The following MYH11 variants were observed in gnomAD, a reference collection of about 807,000 sequenced individuals.
MYH11 encodes the protein myosin heavy chain 11, also known as myosin-11.
In MYH11, 80 loss-of-function variants were observed where a neutral mutation model predicts 246.6. That is an observed-to-expected ratio of 0.32 (90% CI 0.27 to 0.39). MYH11 has a LOEUF of 0.39. Among genes scored for constraint, MYH11 ranks in the 10% least tolerant of loss-of-function variants. The pLI is 1.00. For missense variants in MYH11, 2,158 were observed against 2,546.8 expected, an observed-to-expected ratio of 0.85 and a Z score of 3.29; for synonymous variants, 1,071 against 1,015.5, an observed-to-expected ratio of 1.05 and a Z score of -1.04.
chr16:15,707,001 C>A (rs1259080303), intron 40 of MYH11, among the ~76,000 whole-genome samples: 1 of 152,002 alleles, frequency 6.6e-6, no homozygotes, highest in Admixed American at 6.6e-5. Context: ...AACTAAGGGA[C>A]CCCCCTAAAG....
In MYH11 at chr16:15,788,095, T is replaced by TTTTTTTTTTTTTTTTTTTTTTA. The variant is rs11273419; in HGVS notation, c.531-1364_531-1363insTAAAAAAAAAAAAAAAAAAAAA. ...GGTAGATCTTTTTTTTTTTTTTTTTTACCAAGATGGCTTTCGTGCACTAGC... is the reference window on the plus strand; with the variant it reads ...GGTAGATCTTTTTTTTTTTTTTTTTTTTTTTTTTTTTTTTTTTTTTTAACCAAGATGGCTTTCGTGCACTAGC... On this transcript the variant is annotated intron_variant, in intron 4 of 40. Transcript: ENST00000300036. Among the ~76,000 whole-genome samples, 800 of 99,384 alleles carry TTTTTTTTTTTTTTTTTTTTTTA rather than the reference T, an allele frequency of 8.0e-3. 153 individuals are homozygous for TTTTTTTTTTTTTTTTTTTTTTA. The highest frequency in any genetic ancestry group is 0.013 in the South Asian group (30 of 2,348). 65.2% of individuals were successfully genotyped at this position (99,384 alleles called of 152,430 possible).
intron 40 of MYH11, among the ~76,000 whole-genome samples, chr16:15,704,428 G>A (rs2039342239): frequency 6.6e-6 from 1 of 152,150 alleles, no homozygotes; most frequent in Non-Finnish European, 1.5e-5. Flanking sequence ...CATTTGAGAA[G>A]CCACAGGATT....
intron 3 of MYH11, among the ~76,000 whole-genome samples, chr16:15,804,815 C>A (rs2042972016): frequency 6.6e-6 from 1 of 152,172 alleles, no homozygotes; most frequent in African/African-American, 2.4e-5. Flanking sequence ...GAAGTTCATC[C>A]ATGTTGTAGC....
Position 15,838,137 on chromosome 16 carries a change from G to A in MYH11, c.116C>T (p.Pro39Leu). 1 of 1,614,118 alleles carries A rather than the reference G, an allele frequency of 6.2e-7. No individual in the cohort carries two copies. Among genetic ancestry groups the A allele is most frequent in the South Asian group, 1.1e-5 (1 of 91,076 alleles). The change falls in exon 2 of 41, where the codon CCC becomes CTC. Residue 39 changes from proline to leucine, a missense_variant. Physicochemically the swap from Pro to Leu is moderately conservative, Grantham distance 98 (BLOSUM62 -3). Coordinates refer to ENST00000300036, the MANE Select transcript of MYH11 (RefSeq NM_002474.3). ...DWAAKRLVWVPSEKQGFEAAS... is the reference protein window; with the variant it reads ...DWAAKRLVWVLSEKQGFEAAS... ...TGCCTCGAAGCCCTGCTTCTCCGAG[G>A]GGACCCAGACGAGTCTCTTGGCGGC... is the stretch of plus-strand genomic sequence containing the variant.
chr16:15,822,988 A>T (rs1226244896), intron 3 of MYH11, among the ~76,000 whole-genome samples: 1 of 152,280 alleles, frequency 6.6e-6, no homozygotes, highest in African/African-American at 2.4e-5. Flanking sequence ...CTTTGCAGAC[A>T]GCTGGCCCGA....
intron 3 of MYH11, among the ~76,000 whole-genome samples, chr16:15,816,778 T>C (rs1188209935): frequency 1.4e-5 from 2 of 140,320 alleles, no homozygotes; most frequent in Non-Finnish European, 3.0e-5. Context: ...TTTTCAGAGA[T>C]ATGGTGGTAA....
At chr16:15,825,679 T>C (rs982089207) in intron 2 of MYH11, among the ~76,000 whole-genome samples, 2 of 152,140 alleles carry the variant, frequency 1.3e-5, no homozygotes, top group Non-Finnish European at 2.9e-5. Context: ...AGTCCTCTCC[T>C]ACTGGGTGAA....
At chr16:15,741,999 TC>T in intron 20 of MYH11, 108 bp from the exon 21 acceptor site, 1 of 1,489,190 alleles carries the variant, frequency 6.7e-7, no homozygotes, top group Non-Finnish European at 9.1e-7. Context: ...CCCCCACCGA[TC>T]CCCACTAGGG....
intron 30 of MYH11, 90 bp from the exon 31 acceptor site, chr16:15,724,499 G>T: frequency 6.2e-7 from 1 of 1,608,224 alleles, no homozygotes; most frequent in Non-Finnish European, 8.5e-7. Flanking sequence ...CGAAGACCAT[G>T]TCTCCTCGTT....
chr16:15,797,500 C>T (rs56294826), intron 4 of MYH11, among the ~76,000 whole-genome samples: 2,790 of 150,082 alleles, frequency 0.019, 85 homozygotes, highest in African/African-American at 0.063. Flanking sequence ...TTTAAATAAC[C>T]TCTGTTGATT....
rs1030614126 is a variant in MYH11, at chr16:15,714,961, C to T, written c.5734G>A (p.Glu1912Lys). The T allele has an allele frequency of 6.2e-7, 1 of 1,614,006 alleles. No individual in the cohort carries two copies. The highest frequency in any genetic ancestry group is 8.5e-7 in the Non-Finnish European group (1 of 1,180,048). ...TCGCGGCCCATGGCCTCGTTGCTCTCCGTGGCCTCATCCAGCTCCCGCTGC... is the reference window on the plus strand; with the variant it reads ...TCGCGGCCCATGGCCTCGTTGCTCTTCGTGGCCTCATCCAGCTCCCGCTGC... ...KLQRELDEAT[E>K]SNEAMGREVN... Residue 1912 changes from glutamate to lysine, a missense_variant, in exon 40 of 41, where the codon GAG (glutamate) becomes AAG (lysine). Glu to Lys is a moderately conservative substitution (Grantham distance 56, BLOSUM62 1). This residue lies in a region of MYH11 where 1,013 missense variants were observed against 993.5 expected (regional missense o/e 1.02). Transcript: ENST00000300036.
chr16:15,772,588 C>A (rs1017198624), intron 8 of MYH11, among the ~76,000 whole-genome samples: 2 of 152,246 alleles, frequency 1.3e-5, no homozygotes, highest in Non-Finnish European at 2.9e-5. Flanking sequence ...TCTCTCTGTA[C>A]AATAGGCTTG....
rs922121420 is a variant in MYH11 at position 15,776,172 on chromosome 16, C to A, written c.795G>T (p.Leu265=). ...YIVGANIETY[L]LEKSRAIRQA... ...GGCGAATTGCCCGTGATTTTTCTAG[C>A]AGATCTGGTTTGGAGGGAGTTAGGG... The change falls in exon 8 of 41, where the codon CTG becomes CTT. Residue 265 remains leucine, a synonymous_variant. Transcript: ENST00000300036. 2.2e-5 allele frequency: 36 copies of A among 1,613,074 alleles called. No individual in the cohort carries two copies. The highest frequency in any genetic ancestry group is 2.9e-5 in the Non-Finnish European group (34 of 1,179,180).
In MYH11 at chr16:15,775,903, A is replaced by G. The variant is rs550001559; in HGVS notation, c.889+175T>C. 75 of 669,776 alleles carry G rather than the reference A, an allele frequency of 1.1e-4. 1 individual carries two copies. In the Admixed American group the frequency reaches 1.6e-3, roughly 14 times the overall value. 41.5% of individuals were successfully genotyped at this position (669,776 alleles called of 1,614,324 possible). ...GTGCTCAGTAAATGAGAATGACTGA[A>G]CACAAGCCACACTCACTCATTGGGA... On this transcript the variant is annotated intron_variant, in intron 8 of 40. Transcript: ENST00000300036.
At chr16:15,800,135 G>C (rs554024137) in intron 3 of MYH11, among the ~76,000 whole-genome samples, 3 of 151,704 alleles carry the variant, frequency 2.0e-5, no homozygotes, top group East Asian at 3.9e-4. Flanking sequence ...TGGATGGATA[G>C]ATGAGTAGAT....
chr16:15,845,251 G>A (rs375710664), intron 1 of MYH11, among the ~76,000 whole-genome samples: 60 of 151,298 alleles, frequency 4.0e-4, no homozygotes, highest in Non-Finnish European at 6.6e-4. Context: ...AATGTGGCCC[G>A]ATACAAATTC....
At chr16:15,771,456 TG>T in intron 9 of MYH11, 112 bp downstream of exon 9, 2 of 974,592 alleles carry the variant, frequency 2.1e-6, no homozygotes, top group Non-Finnish European at 1.4e-6. Flanking sequence ...TTTTTTTTAA[TG>T]GAAGGTGGGG....
In MYH11 at chr16:15,838,220, C is replaced by A. The variant is rs148562366; in HGVS notation, c.33G>T (p.Glu11Asp). The A allele has an allele frequency of 1.4e-5, 23 of 1,614,122 alleles. No homozygotes were observed. The East Asian group carries it at 4.9e-4, about 34-fold the overall frequency. ...AGTTTTTGTCCACAAAGAGGAACTT[C>A]TCATCGTCACTGAGTTGGCCCTTCT... is the stretch of plus-strand genomic sequence containing the variant. MAQKGQLSDD[E>D]KFLFVDKNFI... Residue 11 changes from glutamate (E) to aspartate (D), a missense_variant, in exon 2 of 41, where the codon GAG becomes GAT. Glu to Asp is a conservative substitution (Grantham distance 45). Around this residue, in one of 11 missense-constraint regions of MYH11, gnomAD observed 96 missense variants for 91.9 expected, o/e 1.04. Transcript: ENST00000300036.
intron 15 of MYH11, among the ~76,000 whole-genome samples, chr16:15,751,773 C>T (rs772210604): frequency 2.0e-5 from 3 of 151,598 alleles, no homozygotes; most frequent in South Asian, 2.1e-4. Context: ...CCAGCACACC[C>T]GGCTAATTTT....
Sources: gnomAD v4.1 joint callset for allele counts (sites outside exome capture counted in the v4.1 genomes callset) on GRCh38, gnomAD v4.1.1 for gene constraint, gnomAD v4.1.1 regional missense constraint, MANE v1.5 for transcripts, NCBI Gene and HGNC (gene_info 2026-07-23, HGNC 2026-07-21) for gene names.